MED23: variants seen among roughly 807,000 people sequenced by gnomAD.
MED23 encodes the protein mediator of RNA polymerase II transcription subunit 23.
MED23 carries 105 observed loss-of-function variants against 163.9 expected under a neutral mutation model. The ratio of observed to expected loss-of-function variants is 0.64; its 90% CI spans 0.55 to 0.75. The LOEUF (loss-of-function observed/expected upper bound fraction) is 0.75. Among genes scored for constraint, MED23 ranks in the 30% least tolerant of loss-of-function variants. The pLI, the probability that MED23 is intolerant of heterozygous loss-of-function variation, is 0.00. For missense variants in MED23, 1,054 were observed against 1,649.0 expected (o/e 0.64, Z 6.25); for synonymous variants, 561 against 565.6 (o/e 0.99, Z 0.12).
chr6:131,576,194 A>G (rs1449356684), intron 30 of MED23, among the ~76,000 whole-genome samples: 1 of 152,214 alleles, frequency 6.6e-6, no homozygotes, highest in African/African-American at 2.4e-5. Context: ...GACATTTTAT[A>G]TCATCACTGA....
At position 131,574,106 on chromosome 6, in the gene MED23, G is replaced by A; in HGVS notation, c.*187C>T. On this transcript the variant is annotated 3_prime_UTR_variant, in exon 31 of 31. Coordinates refer to the MED23 transcript ENST00000354577. ...GCACACTTATTCTAGTAAAGAGAGT[G>A]TGATGACAGAACACCTTAGACTTCA... 3 of 719,128 alleles carry A rather than the reference G, an allele frequency of 4.2e-6. No homozygotes were observed. In the South Asian group the frequency reaches 4.7e-5, roughly 11 times the overall value. 44.5% of individuals were successfully genotyped at this position (719,128 alleles called of 1,614,324 possible).
intron 21 of MED23, 160 bp from the exon 22 acceptor site, chr6:131,596,323 A>G: frequency 1.2e-6 from 1 of 855,460 alleles, no homozygotes; most frequent in East Asian, 2.6e-5. Flanking sequence ...CCTTATGTCC[A>G]CTAAAACTGC....
At chr6:131,625,740 C>T (rs1777438587) in intron 3 of MED23, among the ~76,000 whole-genome samples, 1 of 151,742 alleles carries the variant, frequency 6.6e-6, no homozygotes, top group Non-Finnish European at 1.5e-5. Flanking sequence ...GAGAGAAATG[C>T]AAAATAAAAT....
downstream of MED23, chr6:131,583,275 T>A: frequency 5.0e-6 from 8 of 1,609,080 alleles, no homozygotes; most frequent in South Asian, 1.1e-5. Flanking sequence ...CTACTTTTTA[T>A]AAAACAAGTT....
At chr6:131,619,706 G>C (rs1489515404) in intron 8 of MED23, 121 bp downstream of exon 8, 10 of 750,074 alleles carry the variant, frequency 1.3e-5, no homozygotes, top group Non-Finnish European at 4.7e-6. Context: ...TAAGCTCTTA[G>C]AGAGTCACCA....
chr6:131,609,980 C>G, intron 11 of MED23, 66 bp downstream of exon 11: 2 of 1,450,454 alleles, frequency 1.4e-6, no homozygotes, highest in Non-Finnish European at 1.9e-6. Context: ...TAGGGAATGC[C>G]CACAGCAGTC....
At chr6:131,581,303 C>A (rs774535167) in intron 30 of MED23, 1 of 1,613,938 alleles carries the variant, frequency 6.2e-7, no homozygotes, top group Non-Finnish European at 8.5e-7. Context: ...CTGATATCAA[C>A]ACTCCACTGA....
rs1487832930 is a variant in MED23 at position 131,598,850 on chromosome 6, T to C, written c.2221-89A>G. On this transcript the variant is annotated intron_variant, in intron 18 of 28. Coordinates refer to ENST00000368068, the MANE Select transcript of MED23 (RefSeq NM_004830.4). The surrounding 1 kb of genome is among the most constrained non-coding windows in gnomAD (Gnocchi z 4.7). Reference sequence around the variant, plus strand: ...AATAAACCAGTTCTAGACTTGATTCTGACACTAATAAACTCTAGGTCACCT... The same window carrying C: ...AATAAACCAGTTCTAGACTTGATTCCGACACTAATAAACTCTAGGTCACCT... 9.5e-6 allele frequency: 12 copies of C among 1,262,310 alleles called. No individual in the cohort carries two copies. The highest frequency in any genetic ancestry group is 3.6e-5 in the Admixed American group (2 of 55,048). 78.2% of individuals were successfully genotyped at this position (1,262,310 alleles called of 1,614,324 possible). A position where few individuals can be genotyped will look rare whatever the true frequency, so the allele number is the denominator to read the frequency against.
chr6:131,624,926 T>G lies in MED23; in HGVS notation c.223A>C (p.Arg75=). The change falls in exon 4 of 29, where the codon AGA becomes CGA. Residue 75 remains arginine, a synonymous_variant. Coordinates refer to ENST00000368068, the MANE Select transcript of MED23 (RefSeq NM_004830.4). ...AAGCAGTCATAAAGAAAAGAAATTC[T>G]TTTAGGACTATGCTGACCATGAATA... ...KFIHGQHSPK[R]ISFLYDCLAM... is the part of the protein sequence containing the mutation. 1 of 1,613,876 alleles carries G rather than the reference T, an allele frequency of 6.2e-7. No homozygotes were observed. The highest frequency in any genetic ancestry group is 8.5e-7 in the Non-Finnish European group (1 of 1,179,890).
In MED23 at chr6:131,591,486, G is replaced by C. The variant is rs1254869860; in HGVS notation, c.3513C>G (p.Val1171=). 6.2e-7 allele frequency: 1 copy of C among 1,613,836 alleles called. No homozygotes were observed. Among genetic ancestry groups the C allele is most frequent in the Non-Finnish European group, 8.5e-7 (1 of 1,179,830 alleles). The part of the protein sequence containing the change: ...WIVLHDRIVS[V]ISSPSLTSET... The stretch of plus-strand genomic sequence containing the variant: ...CAGACGTCAAGCTGGGGCTGCTGAT[G>C]ACACTCACAATTCGATCATGAAGAA... The change falls in exon 26 of 29, where the codon GTC becomes GTG. Residue 1171 remains valine (V), a synonymous_variant. Transcript: ENST00000368068.
chr6:131,623,512 T>C (rs775259633), intron 4 of MED23, 50 bp from the exon 5 acceptor site: 3 of 1,451,160 alleles, frequency 2.1e-6, no homozygotes, highest in Non-Finnish European at 2.9e-6. Context: ...ATTTTCCAAG[T>C]TCTCTAATAG....
chr6:131,584,350 T>C, downstream of MED23: 1 of 171,102 alleles, frequency 5.8e-6, no homozygotes, highest in Non-Finnish European at 1.2e-5. Context: ...TCTACATATT[T>C]CTAAATACAT....
intron 7 of MED23, 83 bp downstream of exon 7, chr6:131,620,544 TC>T: frequency 1.2e-6 from 1 of 866,800 alleles, no homozygotes. Flanking sequence ...CAAATCATCT[TC>T]CCACCTTTGC....
Position 131,627,467 on chromosome 6 carries a change from G to T in MED23, c.88C>A (p.Pro30Thr). ...EAFPGMFMDTPEDEKTKLISC... is the reference protein window; with the variant it reads ...EAFPGMFMDTTEDEKTKLISC... ...ATTAGTTTTGTTTTCTCATCTTCAGGAGTATCCATAAACATGCTAAAAAAA... is the reference window on the plus strand; with the variant it reads ...ATTAGTTTTGTTTTCTCATCTTCAGTAGTATCCATAAACATGCTAAAAAAA... Residue 30 changes from proline (P) to threonine (T), a missense_variant, in exon 3 of 29, where the codon CCT (proline) becomes ACT (threonine). This residue lies in a region of MED23 where 227 missense variants were observed against 235.5 expected (regional missense o/e 0.96). Coordinates refer to ENST00000368068, the MANE Select transcript of MED23 (RefSeq NM_004830.4). 1 of 1,613,228 alleles carries T rather than the reference G, an allele frequency of 6.2e-7. No homozygotes were observed. Among genetic ancestry groups the T allele is most frequent in the South Asian group, 1.1e-5 (1 of 91,052 alleles).
intron 30 of MED23, among the ~76,000 whole-genome samples, chr6:131,580,011 G>A (rs776606425): frequency 6.6e-6 from 1 of 152,040 alleles, no homozygotes; most frequent in African/African-American, 2.4e-5. Flanking sequence ...CGCTATATAC[G>A]TACATATTGC....
At chr6:131,600,473 C>T (rs1202203044) in intron 17 of MED23, among the ~76,000 whole-genome samples, 1 of 152,134 alleles carries the variant, frequency 6.6e-6, no homozygotes, top group African/African-American at 2.4e-5. Flanking sequence ...TACTTTGACA[C>T]TGATTTAGTA....
intron 10 of MED23, chr6:131,615,319 C>T (rs1397131383): frequency 1.2e-6 from 2 of 1,611,400 alleles, no homozygotes; most frequent in Non-Finnish European, 8.5e-7. Flanking sequence ...AGGTTGTGAA[C>T]ATACCTGAGC....
In MED23 at chr6:131,620,751, C is replaced by A. The variant is rs181475764; in HGVS notation, c.496-22G>T. On this transcript the variant is annotated intron_variant, in intron 6 of 28. Coordinates refer to ENST00000368068, the MANE Select transcript of MED23 (RefSeq NM_004830.4). Reference sequence around the variant, plus strand: ...TAACCTAAGAAAAACAAAAAGGCCACATCATTCTTGACTAGTCCCACATAT... The same window carrying A: ...TAACCTAAGAAAAACAAAAAGGCCAAATCATTCTTGACTAGTCCCACATAT... 1.2e-3 allele frequency: 1,792 copies of A among 1,459,070 alleles called. 16 individuals are homozygous for A. Among genetic ancestry groups the A allele is most frequent in the Non-Finnish European group, 3.5e-4 (360 of 1,040,028 alleles). 90.4% of individuals were successfully genotyped at this position (1,459,070 alleles called of 1,614,324 possible).
At chr6:131,615,703 A>C (rs1776639238) in intron 10 of MED23, 3 of 634,628 alleles carry the variant, frequency 4.7e-6, no homozygotes, top group Non-Finnish European at 8.3e-6. Flanking sequence ...AACCAACTTT[A>C]AAAATTTTTC....
Sources: allele counts gnomAD v4.1 joint callset (sites outside exome capture counted in the v4.1 genomes callset), GRCh38; gene constraint gnomAD v4.1.1; regional missense constraint gnomAD v4.1.1; non-coding constraint Gnocchi (gnomAD v3.1); transcripts MANE v1.5; gene names NCBI Gene and HGNC (gene_info 2026-07-23, HGNC 2026-07-21).